The following PPM1D variants were observed in gnomAD, a reference collection of about 807,000 sequenced individuals.
PPM1D encodes protein phosphatase 1D.
Under a neutral mutation model 58.3 loss-of-function variants are expected in PPM1D, and 52 were observed. The observed-to-expected ratio is 0.89, with a 90% CI of 0.71 to 1.12. The LOEUF is 1.12. Ranked by LOEUF, PPM1D falls within the 50% of genes most tolerant of loss-of-function variation. The probability of loss-of-function intolerance (pLI) is 0.00; values close to 1 mark genes in which losing one functional copy is unlikely to be tolerated. For missense variants in PPM1D, 564 were observed against 777.2 expected (o/e 0.73, Z 3.26); for synonymous variants, 278 against 285.1 (o/e 0.98, Z 0.25).
intron 2 of PPM1D, among the ~76,000 whole-genome samples, chr17:60,625,959 C>G: frequency 6.6e-6 from 1 of 152,058 alleles, no homozygotes; most frequent in East Asian, 1.9e-4. Context: ...CACCTCGTTC[C>G]CCTCCACTTG....
intron 5 of PPM1D, among the ~76,000 whole-genome samples, chr17:60,657,632 A>G (rs138623479): frequency 6.6e-6 from 1 of 152,330 alleles, no homozygotes; most frequent in African/African-American, 2.4e-5. Context: ...TCGTAATCCT[A>G]TAGTCAATAC....
At chr17:60,660,961 C>T (rs1241146133) in intron 5 of PPM1D, among the ~76,000 whole-genome samples, 1 of 151,946 alleles carries the variant, frequency 6.6e-6, no homozygotes, top group South Asian at 2.1e-4. Context: ...CGCCTGTTAT[C>T]ACAGCACTTT....
intron 3 of PPM1D, among the ~76,000 whole-genome samples, chr17:60,641,512 T>A (rs1244762543): frequency 6.6e-6 from 1 of 152,222 alleles, no homozygotes; most frequent in Non-Finnish European, 1.5e-5. Flanking sequence ...ACATAGTTTG[T>A]GAATATTTTC....
At chr17:60,617,255 G>A (rs1478799427) in intron 1 of PPM1D, among the ~76,000 whole-genome samples, 2 of 151,510 alleles carry the variant, frequency 1.3e-5, no homozygotes, top group Non-Finnish European at 2.9e-5. Flanking sequence ...ACTGTACCCT[G>A]CCAAATTTTG....
chr17:60,648,029 C>A lies in PPM1D; in HGVS notation c.964C>A (p.Pro322Thr). The change falls in exon 4 of 6, where the codon CCA becomes ACA. Residue 322 changes from proline to threonine, a missense_variant. Transcript: ENST00000305921. ...GSDGLWNMIP[P>T]QDAISMCQDQ... The stretch of plus-strand genomic sequence containing the variant: ...TGATGGACTTTGGAATATGATTCCA[C>A]CACAAGATGCCATCTCAATGTGCCA... The A allele has an allele frequency of 6.2e-7, 1 of 1,613,672 alleles. No individual in the cohort carries two copies. The highest frequency in any genetic ancestry group is 1.7e-5 in the Admixed American group (1 of 59,908).
chr17:60,644,067 C>T (rs550219853), intron 3 of PPM1D, among the ~76,000 whole-genome samples: 1 of 151,128 alleles, frequency 6.6e-6, no homozygotes, highest in South Asian at 2.1e-4. Context: ...TTAGTAGAGC[C>T]GGGGTTTCAC....
intron 3 of PPM1D, among the ~76,000 whole-genome samples, chr17:60,642,375 T>TTTA (rs1023512370): frequency 1.3e-5 from 2 of 149,270 alleles, no homozygotes; most frequent in Admixed American, 6.7e-5. Flanking sequence ...TTTTTTTTTT[T>TTTA]ACATTTAAAG....
intron 1 of PPM1D, among the ~76,000 whole-genome samples, chr17:60,620,261 T>C (rs1837986531): frequency 6.6e-6 from 1 of 152,040 alleles, no homozygotes; most frequent in African/African-American, 2.4e-5. Flanking sequence ...CCTCCCAGAG[T>C]GCTGGGAATA....
intron 3 of PPM1D, among the ~76,000 whole-genome samples, chr17:60,639,779 A>T (rs1368404472): frequency 6.6e-6 from 1 of 152,260 alleles, no homozygotes; most frequent in Non-Finnish European, 1.5e-5. Flanking sequence ...ACCTAAAATA[A>T]GGATATTTCA....
intron 3 of PPM1D, among the ~76,000 whole-genome samples, chr17:60,643,878 C>G (rs199585015): frequency 3.9e-5 from 3 of 77,238 alleles, no homozygotes; most frequent in African/African-American, 1.3e-4. Flanking sequence ...GAACTCTTTT[C>G]TTTTCTTTTT....
intron 4 of PPM1D, among the ~76,000 whole-genome samples, chr17:60,649,090 T>G (rs1044887547): frequency 4.0e-5 from 6 of 150,774 alleles, no homozygotes; most frequent in African/African-American, 1.5e-4. Flanking sequence ...ACTTTTTTTG[T>G]TTTTTTTTCC....
chr17:60,652,617 T>C (rs535642051), intron 4 of PPM1D, among the ~76,000 whole-genome samples: 1 of 150,144 alleles, frequency 6.7e-6, no homozygotes, highest in Admixed American at 6.6e-5. Context: ...TGCTCTAATT[T>C]ACATTCCCAC....
At chr17:60,655,425 TG>T (rs2143716367) in intron 4 of PPM1D, among the ~76,000 whole-genome samples, 1 of 152,378 alleles carries the variant, frequency 6.6e-6, no homozygotes, top group Admixed American at 6.5e-5. Flanking sequence ...CTCGGCTCAC[TG>T]TAACCTCCGC....
intron 1 of PPM1D, among the ~76,000 whole-genome samples, chr17:60,605,074 G>C (rs573320812): frequency 7.9e-5 from 12 of 152,136 alleles, no homozygotes; most frequent in Non-Finnish European, 1.3e-4. Flanking sequence ...CATCTGCCTC[G>C]GCCTCCCACA....
chr17:60,622,441 T>C (rs2030726310), intron 1 of PPM1D, among the ~76,000 whole-genome samples: 1 of 152,198 alleles, frequency 6.6e-6, no homozygotes, highest in South Asian at 2.1e-4. Flanking sequence ...TTTGGACTCA[T>C]TTTGCCATCA....
chr17:60,645,500 ATATATATATGTGTATATATATG>A (rs1567974541), intron 3 of PPM1D, among the ~76,000 whole-genome samples: 3 of 123,302 alleles, frequency 2.4e-5, no homozygotes, highest in African/African-American at 1.1e-4. Flanking sequence ...GTGTATGTGT[ATATATATATGTGTATATATATG>A]TATATATATA....
chr17:60,651,385 A>G (rs1420778826), intron 4 of PPM1D, among the ~76,000 whole-genome samples: 6 of 151,226 alleles, frequency 4.0e-5, no homozygotes, highest in South Asian at 4.2e-4. Context: ...TCACAGTTCA[A>G]TTAACAGTGT....
rs1257467727 is a variant in PPM1D, at chr17:60,656,613, A to G, written c.1032A>G (p.Gln344=). The change falls in exon 5 of 6, where the codon CAA becomes CAG. Residue 344 remains glutamine (Q), a synonymous_variant. Coordinates refer to ENST00000305921, the MANE Select transcript of PPM1D (RefSeq NM_003620.4). The stretch of plus-strand genomic sequence containing the variant: ...TTTGAATACAGGGTGAGCATGGACA[A>G]TCTTGTGCCAAAATGCTTGTGAATC... ...EKKYLMGEHG[Q]SCAKMLVNRA... 5 of 1,614,030 alleles carry G rather than the reference A, an allele frequency of 3.1e-6. No individual in the cohort carries two copies. The highest frequency in any genetic ancestry group is 2.2e-5 in the East Asian group (1 of 44,898).
At chr17:60,604,905 T>G (rs8078007) in intron 1 of PPM1D, among the ~76,000 whole-genome samples, 7,089 of 152,310 alleles carry the variant, frequency 0.047, 584 homozygotes, top group African/African-American at 0.16. Context: ...TGCAACCTCC[T>G]CCTCTCAGGT....
Sources: gnomAD v4.1 joint callset for allele counts (sites outside exome capture counted in the v4.1 genomes callset) on GRCh38, gnomAD v4.1.1 for gene constraint, MANE v1.5 for transcripts, NCBI Gene and HGNC (gene_info 2026-07-23, HGNC 2026-07-21) for gene names.